Variants in SCAND3 observed in about 807,000 individuals in gnomAD.
SCAND3 encodes SCAN domain containing 3, also known as SCAN domain-containing protein 3.
the SCAND3 span, among the ~76,000 whole-genome samples, chr6:28,613,472 A>G: frequency 6.6e-6 from 1 of 152,242 alleles, no homozygotes; most frequent in Non-Finnish European, 1.5e-5. Context: ...AATTGCATAC[A>G]TGTAACAATG....
the SCAND3 span, among the ~76,000 whole-genome samples, chr6:28,612,180 C>A: frequency 3.9e-5 from 6 of 151,968 alleles, no homozygotes; most frequent in African/African-American, 1.5e-4. Context: ...GGACTACAGG[C>A]GTGTGCCACC....
At chr6:28,575,214 T>C in the SCAND3 span, 1 of 1,614,062 alleles carries the variant, frequency 6.2e-7, no homozygotes, top group Non-Finnish European at 8.5e-7. This position sits in a 1 kb window ranked among gnomAD's most constrained non-coding sequence, Gnocchi z 4.2. Flanking sequence ...ACCACAAAAA[T>C]TCAGTCCAGT....
the SCAND3 span, among the ~76,000 whole-genome samples, chr6:28,595,408 A>G: frequency 6.6e-6 from 1 of 150,712 alleles, no homozygotes; most frequent in Non-Finnish European, 1.5e-5. Flanking sequence ...AGCTTTCCTG[A>G]GGCAAACATT....
chr6:28,595,247 T>C, the SCAND3 span, among the ~76,000 whole-genome samples: 1 of 112,834 alleles, frequency 8.9e-6, no homozygotes, highest in Non-Finnish European at 1.7e-5. Context: ...CTAAGGAGGC[T>C]GAGTTGGGAG....
the SCAND3 span, among the ~76,000 whole-genome samples, chr6:28,593,379 GTT>G: frequency 0.11 from 16,585 of 147,248 alleles, 1,088 homozygotes; most frequent in African/African-American, 0.19. Flanking sequence ...ATTAGAATGA[GTT>G]TTTTTTTTTT....
the SCAND3 span, among the ~76,000 whole-genome samples, chr6:28,582,028 A>G: frequency 7.2e-5 from 11 of 152,364 alleles, no homozygotes; most frequent in Non-Finnish European, 1.2e-4. This position sits in a 1 kb window ranked among gnomAD's most constrained non-coding sequence, Gnocchi z 4.8. Flanking sequence ...CTCTGACCAC[A>G]TTAAAAAAAC....
chr6:28,582,884 T>C, the SCAND3 span, among the ~76,000 whole-genome samples: 1 of 151,832 alleles, frequency 6.6e-6, no homozygotes, highest in Non-Finnish European at 1.5e-5. This position sits in a 1 kb window ranked among gnomAD's most constrained non-coding sequence, Gnocchi z 4.8. Context: ...ATCCTGCCAC[T>C]GCACTCCTGC....
chr6:28,612,332 C>T, the SCAND3 span, among the ~76,000 whole-genome samples: 2 of 152,084 alleles, frequency 1.3e-5, no homozygotes. Flanking sequence ...GCCACTGGGC[C>T]CTGATCACTT....
chr6:28,606,554 A>C, the SCAND3 span, among the ~76,000 whole-genome samples: 1 of 152,138 alleles, frequency 6.6e-6, no homozygotes, highest in African/African-American at 2.4e-5. Context: ...AGTTTGGCTT[A>C]GCAGGGGACC....
At chr6:28,586,384 C>A in the SCAND3 span, 60 of 1,614,060 alleles carry the variant, frequency 3.7e-5, no homozygotes, top group Middle Eastern at 3.3e-4. This position sits in a 1 kb window ranked among gnomAD's most constrained non-coding sequence, Gnocchi z 4.4. Flanking sequence ...TGCTCCCGCA[C>A]CCAAGACTGG....
chr6:28,597,374 G>A, the SCAND3 span, among the ~76,000 whole-genome samples: 1 of 152,220 alleles, frequency 6.6e-6, no homozygotes, highest in Non-Finnish European at 1.5e-5. Context: ...CGCGTGCAGA[G>A]CACAATGGAT....
the SCAND3 span, among the ~76,000 whole-genome samples, chr6:28,605,276 G>A: frequency 2.0e-5 from 3 of 152,052 alleles, no homozygotes; most frequent in Non-Finnish European, 2.9e-5. Flanking sequence ...TCACTTTAGC[G>A]CCCAGAAAAT....
chr6:28,595,013 T>G, the SCAND3 span, among the ~76,000 whole-genome samples: 1 of 150,522 alleles, frequency 6.6e-6, no homozygotes, highest in Non-Finnish European at 1.5e-5. Context: ...AAAGTGAAAT[T>G]AAATTAAAAA....
the SCAND3 span, chr6:28,573,768 G>A: frequency 3.2e-6 from 5 of 1,582,700 alleles, no homozygotes; most frequent in Non-Finnish European, 4.3e-6. Flanking sequence ...TACTACTACT[G>A]TGTTCAGAAA....
At chr6:28,578,213 T>G in the SCAND3 span, among the ~76,000 whole-genome samples, 1 of 152,238 alleles carries the variant, frequency 6.6e-6, no homozygotes, top group East Asian at 1.9e-4. Context: ...TATGTTACTG[T>G]GTGGTTTGGC....
chr6:28,584,927 C>G, the SCAND3 span, among the ~76,000 whole-genome samples: 1 of 152,314 alleles, frequency 6.6e-6, no homozygotes, highest in South Asian at 2.1e-4. Flanking sequence ...CTTAATGTCT[C>G]CATACATTGT....
chr6:28,572,379 A>G, the SCAND3 span: 6 of 1,612,406 alleles, frequency 3.7e-6, no homozygotes, highest in Non-Finnish European at 5.1e-6. The surrounding 1 kb of genome is among the most constrained non-coding windows in gnomAD (Gnocchi z 4.1). Flanking sequence ...GATGTGCAAT[A>G]TCAAGATCAT....
chr6:28,610,588 A>G, the SCAND3 span, among the ~76,000 whole-genome samples: 1 of 152,134 alleles, frequency 6.6e-6, no homozygotes, highest in Non-Finnish European at 1.5e-5. Context: ...AAACACAAGA[A>G]ACAAAGAACA....
chr6:28,612,231 G>A, the SCAND3 span, among the ~76,000 whole-genome samples: 1 of 151,856 alleles, frequency 6.6e-6, no homozygotes, highest in African/African-American at 2.4e-5. Flanking sequence ...GTAGAGGCGG[G>A]GTTTCATCGT....
Sources: gnomAD v4.1 joint callset for allele counts (sites outside exome capture counted in the v4.1 genomes callset) on GRCh38, gnomAD v4.1.1 for gene constraint, Gnocchi (gnomAD v3.1) non-coding constraint, MANE v1.5 for transcripts, NCBI Gene and HGNC (gene_info 2026-07-23, HGNC 2026-07-21) for gene names.